GPC5: variants seen among roughly 807,000 people sequenced by gnomAD.
The protein encoded by GPC5 is glypican-5.
In GPC5, 47 loss-of-function variants were observed where a neutral mutation model predicts 53.9. The ratio of observed to expected loss-of-function variants is 0.87; its 90% confidence interval spans 0.69 to 1.11. The LOEUF (loss-of-function observed/expected upper bound fraction) is 1.11. Among genes scored for constraint, GPC5 ranks in the 50% most tolerant of loss-of-function variants. The pLI is 0.00. For synonymous variants in GPC5, 286 were observed against 263.3 expected, an observed-to-expected ratio of 1.09 and a Z score of -0.84; for missense variants, 748 against 713.1, an observed-to-expected ratio of 1.05 and a Z score of -0.56.
Position 91,591,745 on chromosome 13 carries a change from G to C in GPC5, c.326-101442G>C, listed in dbSNP as rs140196884. Among the ~76,000 whole-genome samples the C allele has an allele frequency of 1.1e-4, 17 of 152,190 alleles. No homozygotes were observed. The East Asian group carries it at 3.3e-3, about 29-fold the overall frequency. On this transcript the variant is annotated intron_variant, in intron 2 of 7. Transcript: ENST00000377067. The stretch of plus-strand genomic sequence containing the variant: ...CTATTTGCTGTTAATACTTTTGATT[G>C]TATTATGAAATGCTTGTAATTAATT...
chr13:92,635,176 T>C (rs1424410378), intron 7 of GPC5, among the ~76,000 whole-genome samples: 1 of 152,144 alleles, frequency 6.6e-6, no homozygotes, highest in Non-Finnish European at 1.5e-5. Context: ...ACTATGTATA[T>C]ATGTGTATAT....
intron 6 of GPC5, among the ~76,000 whole-genome samples, chr13:91,998,237 G>T (rs2040522036): frequency 6.6e-6 from 1 of 151,980 alleles, no homozygotes; most frequent in South Asian, 2.1e-4. Flanking sequence ...ATTTTTCTCT[G>T]TCTGTACCAA....
intron 6 of GPC5, among the ~76,000 whole-genome samples, chr13:91,966,613 A>C (rs190829967): frequency 6.6e-6 from 1 of 152,300 alleles, no homozygotes; most frequent in Admixed American, 6.5e-5. Context: ...GTTTATTCTT[A>C]CTGCATCAAT....
chr13:92,604,068 T>C (rs1884171714), intron 7 of GPC5, among the ~76,000 whole-genome samples: 4 of 152,230 alleles, frequency 2.6e-5, no homozygotes, highest in Admixed American at 2.6e-4. Context: ...CTCTACCTCA[T>C]GTAAGATACA....
chr13:92,332,735 TAGC>T (rs1393885861), intron 7 of GPC5, among the ~76,000 whole-genome samples: 2 of 152,172 alleles, frequency 1.3e-5, no homozygotes, highest in Non-Finnish European at 2.9e-5. Flanking sequence ...TCCAATAAAA[TAGC>T]TATTCCCAAT....
chr13:91,923,849 T>A (rs2039741470), intron 6 of GPC5, among the ~76,000 whole-genome samples: 1 of 152,160 alleles, frequency 6.6e-6, no homozygotes, highest in South Asian at 2.1e-4. Flanking sequence ...CTTAGCCTTA[T>A]AAAAGCAAAT....
chr13:92,212,634 C>T (rs1457311765), intron 7 of GPC5, among the ~76,000 whole-genome samples: 1 of 152,152 alleles, frequency 6.6e-6, no homozygotes, highest in African/African-American at 2.4e-5. Context: ...TTTTCCTTTG[C>T]TTATTCTAGA....
chr13:91,761,574 A>G (rs1367406717), intron 5 of GPC5, among the ~76,000 whole-genome samples: 1 of 152,246 alleles, frequency 6.6e-6, no homozygotes, highest in Middle Eastern at 3.4e-3. Context: ...TTTGGGTTCA[A>G]TGAATCTGAT....
chr13:92,734,809 A>C (rs189688190), intron 7 of GPC5, among the ~76,000 whole-genome samples: 1 of 152,064 alleles, frequency 6.6e-6, no homozygotes, highest in East Asian at 1.9e-4. Flanking sequence ...AAAAAGATCC[A>C]CAACACTTCG....
intron 7 of GPC5, among the ~76,000 whole-genome samples, chr13:92,430,165 G>A (rs750550478): frequency 6.6e-6 from 1 of 151,942 alleles, no homozygotes; most frequent in Non-Finnish European, 1.5e-5. Flanking sequence ...CTCCCTGAGA[G>A]GAGGATACTT....
At chr13:91,472,396 G>A (rs1356993403) in intron 2 of GPC5, among the ~76,000 whole-genome samples, 1 of 152,132 alleles carries the variant, frequency 6.6e-6, no homozygotes, top group African/African-American at 2.4e-5. Context: ...TTTACCTAAT[G>A]TCTCTGTACC....
intron 6 of GPC5, among the ~76,000 whole-genome samples, chr13:92,128,255 C>T (rs1176884717): frequency 1.3e-5 from 2 of 152,164 alleles, no homozygotes; most frequent in Non-Finnish European, 1.5e-5. Flanking sequence ...AAGTAAATTA[C>T]TCTCCCAGCA....
At chr13:92,796,401 A>G (rs1876683548) in intron 7 of GPC5, among the ~76,000 whole-genome samples, 1 of 152,020 alleles carries the variant, frequency 6.6e-6, no homozygotes, top group African/African-American at 2.4e-5. Context: ...TAGGAGATAT[A>G]CCTAATGTAA....
At chr13:92,584,097 G>A (rs1286475955) in intron 7 of GPC5, among the ~76,000 whole-genome samples, 1 of 152,144 alleles carries the variant, frequency 6.6e-6, no homozygotes, top group Non-Finnish European at 1.5e-5. Context: ...CAGTACATTG[G>A]TACCAGTAGA....
chr13:92,386,026 C>T (rs1263737450), intron 7 of GPC5, among the ~76,000 whole-genome samples: 3 of 151,622 alleles, frequency 2.0e-5, no homozygotes, highest in Non-Finnish European at 4.4e-5. Flanking sequence ...ATGGTAACTA[C>T]CTTTGCCTAC....
intron 7 of GPC5, among the ~76,000 whole-genome samples, chr13:92,345,594 G>A (rs1401485006): frequency 6.6e-6 from 1 of 152,086 alleles, no homozygotes; most frequent in Non-Finnish European, 1.5e-5. Flanking sequence ...GTCATTTGTG[G>A]AACTGAATGA....
intron 7 of GPC5, among the ~76,000 whole-genome samples, chr13:92,412,182 A>C (rs892526140): frequency 2.6e-5 from 4 of 152,200 alleles, no homozygotes; most frequent in African/African-American, 9.6e-5. Flanking sequence ...AAATGCTTGT[A>C]GTGCTAGAAA....
chr13:92,015,478 T>C (rs7339037), intron 6 of GPC5, among the ~76,000 whole-genome samples: 149,650 of 152,302 alleles, frequency 0.98, 73,574 homozygotes, highest in Middle Eastern at 1. Flanking sequence ...AAAGGAAAAC[T>C]ACATAAAAGT....
At chr13:92,235,563 G>T (rs1294119786) in intron 7 of GPC5, among the ~76,000 whole-genome samples, 1 of 151,958 alleles carries the variant, frequency 6.6e-6, no homozygotes, top group Non-Finnish European at 1.5e-5. Flanking sequence ...GATGGTGTTC[G>T]ATTTAGAGAA....
Sources: gnomAD v4.1 joint callset for allele counts (sites outside exome capture counted in the v4.1 genomes callset) on GRCh38, gnomAD v4.1.1 for gene constraint, MANE v1.5 for transcripts, NCBI Gene and HGNC (gene_info 2026-07-23, HGNC 2026-07-21) for gene names.